Variants in ZNF280D observed in about 807,000 individuals in gnomAD.
ZNF280D encodes the protein zinc finger protein 280D.
Under a neutral mutation model 94.7 loss-of-function variants are expected in ZNF280D, and 39 were observed. The observed-to-expected ratio is 0.41, with a 90% CI of 0.32 to 0.54. The LOEUF (loss-of-function observed/expected upper bound fraction) is 0.54, where lower values mean the gene tolerates loss of function less well. ZNF280D is among the 20% of genes least tolerant of loss of function. ZNF280D has a pLI of 0.22. For missense variants in ZNF280D, 1,090 were observed against 1,149.3 expected (o/e 0.95, Z 0.75); for synonymous variants, 398 against 377.6 (o/e 1.05, Z -0.63).
chr15:56,660,905 C>G (rs759469272), intron 16 of ZNF280D, among the ~76,000 whole-genome samples: 2 of 151,536 alleles, frequency 1.3e-5, no homozygotes, highest in African/African-American at 2.4e-5. Flanking sequence ...AATTTTAAGA[C>G]ATTAGACTAG....
At chr15:56,673,099 A>G (rs2054977919) in intron 13 of ZNF280D, among the ~76,000 whole-genome samples, 1 of 152,064 alleles carries the variant, frequency 6.6e-6, no homozygotes, top group African/African-American at 2.4e-5. Flanking sequence ...GAGTTCCCAG[A>G]AATCTTTTCT....
rs78139793 is a variant in ZNF280D at position 56,722,075 on chromosome 15, T to A, written c.-86+11383A>T. Among the ~76,000 whole-genome samples the A allele has an allele frequency of 2.7e-3, 413 of 152,268 alleles. 6 individuals carry two copies. Among genetic ancestry groups the A allele is most frequent in the African/African-American group, 9.4e-3 (389 of 41,544 alleles). On this transcript the variant is annotated intron_variant, in intron 1 of 21. Coordinates refer to ENST00000267807, the MANE Select transcript of ZNF280D (RefSeq NM_017661.4). The stretch of plus-strand genomic sequence containing the variant: ...TTCAATATTGCTATGTCTCAGGGAA[T>A]AAGGAAGCCCATGGAGAGGAAACTA...
intron 6 of ZNF280D, among the ~76,000 whole-genome samples, chr15:56,695,968 G>A (rs1283298098): frequency 6.6e-6 from 1 of 152,106 alleles, no homozygotes; most frequent in African/African-American, 2.4e-5. Flanking sequence ...TACTTCATAA[G>A]AGAAACATAA....
intron 19 of ZNF280D, among the ~76,000 whole-genome samples, chr15:56,648,266 C>T (rs1460293624): frequency 6.6e-6 from 1 of 152,036 alleles, no homozygotes; most frequent in African/African-American, 2.4e-5. Flanking sequence ...TTATACCATT[C>T]TTTGCTCAAA....
rs1335363426 is a variant in ZNF280D at position 56,682,539 on chromosome 15, C to T, written c.781-62G>A. On this transcript the variant is annotated intron_variant, in intron 9 of 21. Transcript: ENST00000267807. ...CTTATTCTTTAAAAAAACCACATAC[C>T]AAAAAGTGATTGTGTGTTTACACCT... is the stretch of plus-strand genomic sequence containing the variant. 4 of 1,084,258 alleles carry T rather than the reference C, an allele frequency of 3.7e-6. No individual in the cohort carries two copies. The African/African-American group carries it at 5.0e-5, about 14-fold the overall frequency. The allele number at this position is 1,084,258 out of a possible 1,614,324, so 67.2% of individuals were successfully genotyped here.
chr15:56,705,552 T>G (rs774853558), intron 3 of ZNF280D, among the ~76,000 whole-genome samples: 4 of 152,196 alleles, frequency 2.6e-5, no homozygotes, highest in Non-Finnish European at 4.4e-5. Flanking sequence ...ATCTACCTAA[T>G]ACAAGTATTA....
intron 20 of ZNF280D, among the ~76,000 whole-genome samples, chr15:56,640,635 G>A (rs1403780976): frequency 6.6e-6 from 1 of 152,014 alleles, no homozygotes; most frequent in African/African-American, 2.4e-5. Context: ...GTTTTCAAAT[G>A]AGCAAACTGT....
chr15:56,701,679 T>G (rs1469123808), intron 4 of ZNF280D, among the ~76,000 whole-genome samples: 1 of 152,088 alleles, frequency 6.6e-6, no homozygotes. Context: ...ATCAAATCCT[T>G]GCCCAACCTC....
chr15:56,706,861 C>T (rs1386136682), intron 3 of ZNF280D, among the ~76,000 whole-genome samples: 1 of 152,020 alleles, frequency 6.6e-6, no homozygotes, highest in Non-Finnish European at 1.5e-5. Flanking sequence ...ATTATATGTA[C>T]CAAATTGGTA....
At chr15:56,669,523 G>C (rs893841380) in intron 13 of ZNF280D, among the ~76,000 whole-genome samples, 1 of 151,642 alleles carries the variant, frequency 6.6e-6, no homozygotes, top group African/African-American at 2.4e-5. Flanking sequence ...TGTGGTTATT[G>C]AGCACCTGAA....
intron 1 of ZNF280D, among the ~76,000 whole-genome samples, chr15:56,727,194 G>C (rs1057207432): frequency 6.6e-6 from 1 of 150,834 alleles, no homozygotes; most frequent in African/African-American, 2.4e-5. Flanking sequence ...AACTGGCTGG[G>C]CGTGGTGGCT....
rs147926283 is a variant in ZNF280D, at chr15:56,689,150, C to T, written c.671G>A (p.Gly224Asp). 25 of 1,601,868 alleles carry T rather than the reference C, an allele frequency of 1.6e-5. No individual in the cohort carries two copies. The highest frequency in any genetic ancestry group is 9.1e-5 in the South Asian group (8 of 88,078). The change falls in exon 9 of 22, where the codon GGT becomes GAT. Residue 224 changes from glycine to aspartate, a missense_variant and splice_region_variant. Gly to Asp is a moderately conservative substitution (Grantham distance 94). This residue lies in a region of ZNF280D where 386 missense variants were observed against 372.0 expected (regional missense o/e 1.04). Coordinates refer to ENST00000267807, the MANE Select transcript of ZNF280D (RefSeq NM_017661.4). ...AGACTGATTTGATGAGGTATTTGTA[C>T]CTAAAATAAATTCAGAACATTTATG... ...VTSSQAMLAK[G>D]TNTSSNQSKN...
Position 56,631,442 on chromosome 15 carries a change from T to C in ZNF280D, c.*56A>G, listed in dbSNP as rs1334618595. 3.8e-6 allele frequency: 6 copies of C among 1,573,866 alleles called. No homozygotes were observed. The African/African-American group carries it at 8.1e-5, about 21-fold the overall frequency. On this transcript the variant is annotated 3_prime_UTR_variant, in exon 22 of 22. Transcript: ENST00000267807. ...CAACAGCACCACTGAGCTCACCTGA[T>C]AGCACTGTTCCAAATGCCCTTATCG...
intron 9 of ZNF280D, among the ~76,000 whole-genome samples, chr15:56,685,751 A>G (rs1436104366): frequency 6.6e-6 from 1 of 152,216 alleles, no homozygotes; most frequent in East Asian, 1.9e-4. Flanking sequence ...GAACAAAACT[A>G]CAACTCTCTT....
rs1368204016 is a variant in ZNF280D at position 56,707,103 on chromosome 15, C to T, written c.7G>A (p.Asp3Asn). Residue 3 changes from aspartate to asparagine, a missense_variant, in exon 3 of 22, where the codon GAC becomes AAC. Physicochemically the swap from Asp to Asn is conservative, Grantham distance 23. This residue lies in a region of ZNF280D where 386 missense variants were observed against 372.0 expected (regional missense o/e 1.04). Coordinates refer to ENST00000267807, the MANE Select transcript of ZNF280D (RefSeq NM_017661.4). MGDNPFQPKSNSK... is the reference protein window; with the variant it reads MGNNPFQPKSNSK... The stretch of plus-strand genomic sequence containing the variant: ...TTACTTTTTGGTTGAAAAGGGTTGT[C>T]GCCCATCAAGCTGCAGAGATGACTT... The T allele has an allele frequency of 4.3e-6, 7 of 1,613,862 alleles. No homozygotes were observed. Among genetic ancestry groups the T allele is most frequent in the African/African-American group, 2.7e-5 (2 of 75,002 alleles).
chr15:56,675,225 C>T (rs2055136980), intron 13 of ZNF280D, among the ~76,000 whole-genome samples: 1 of 152,010 alleles, frequency 6.6e-6, no homozygotes, highest in Admixed American at 6.6e-5. Context: ...ACCATAGTTA[C>T]TATTCTTCCC....
intron 1 of ZNF280D, among the ~76,000 whole-genome samples, chr15:56,729,486 C>T (rs1411109529): frequency 1.3e-5 from 2 of 152,154 alleles, no homozygotes; most frequent in Non-Finnish European, 2.9e-5. Context: ...CATTCTCAAC[C>T]ATCAATGAAT....
chr15:56,648,381 G>A (rs567085409), intron 19 of ZNF280D, among the ~76,000 whole-genome samples: 5 of 152,062 alleles, frequency 3.3e-5, no homozygotes, highest in Admixed American at 1.3e-4. Context: ...TGTCCCAATC[G>A]TATGATTGTG....
At chr15:56,723,047 G>A (rs1321317494) in intron 1 of ZNF280D, among the ~76,000 whole-genome samples, 9 of 137,218 alleles carry the variant, frequency 6.6e-5, no homozygotes, top group Non-Finnish European at 1.1e-4. Flanking sequence ...ATGGACACAG[G>A]AAGGGGAACA....
Sources: gnomAD v4.1 joint callset for allele counts (sites outside exome capture counted in the v4.1 genomes callset) on GRCh38, gnomAD v4.1.1 for gene constraint, gnomAD v4.1.1 regional missense constraint, MANE v1.5 for transcripts, NCBI Gene and HGNC (gene_info 2026-07-23, HGNC 2026-07-21) for gene names.